Variants in LTBP1 observed in about 807,000 individuals in gnomAD.
The protein encoded by LTBP1 is latent-transforming growth factor beta-binding protein 1.
LTBP1 carries 129 observed loss-of-function variants against 207.6 expected under a neutral mutation model. The ratio of observed to expected loss-of-function variants is 0.62; its 90% CI spans 0.54 to 0.72. The LOEUF (loss-of-function observed/expected upper bound fraction) is 0.72, where lower values mean the gene tolerates loss of function less well. Among genes scored for constraint, LTBP1 ranks in the 30% least tolerant of loss-of-function variants. The probability of loss-of-function intolerance (pLI) is 0.00; values close to 1 mark genes in which losing one functional copy is unlikely to be tolerated. For synonymous variants in LTBP1, 963 were observed against 833.7 expected, an observed-to-expected ratio of 1.16 and a Z score of -2.67; for missense variants, 2,281 against 2,217.2, an observed-to-expected ratio of 1.03 and a Z score of -0.58.
At chr2:33,087,950 A>G (rs995191971) in intron 3 of LTBP1, among the ~76,000 whole-genome samples, 1 of 152,222 alleles carries the variant, frequency 6.6e-6, no homozygotes, top group Non-Finnish European at 1.5e-5. Flanking sequence ...GTTGTCTGGT[A>G]CACAGGAAAA....
intron 26 of LTBP1, among the ~76,000 whole-genome samples, chr2:33,348,389 A>G (rs1278052042): frequency 6.6e-6 from 1 of 152,250 alleles, no homozygotes; most frequent in East Asian, 1.9e-4. Flanking sequence ...TGAAGGGTAT[A>G]GAATTAAATG....
In LTBP1 at chr2:33,342,859, A is replaced by G; in HGVS notation, c.3752A>G (p.Asn1251Ser). The change falls in exon 25 of 34, where the codon AAC becomes AGC. Residue 1251 changes from asparagine to serine, a missense_variant. Around this residue, in one of 3 missense-constraint regions of LTBP1, gnomAD observed 1,671 missense variants for 1,634.8 expected, o/e 1.02. Coordinates refer to ENST00000404816, the MANE Select transcript of LTBP1 (RefSeq NM_206943.4). ...GCAGATATTGATGAATGTGTAAACA[A>G]CACTGTTTGTGACAGTCACGGGTTT... ...TCEDIDECVNNTVCDSHGFCD... is the reference protein window; with the variant it reads ...TCEDIDECVNSTVCDSHGFCD... 6.2e-7 allele frequency: 1 copy of G among 1,614,094 alleles called. No homozygotes were observed. Among genetic ancestry groups the G allele is most frequent in the Middle Eastern group, 1.7e-4 (1 of 6,058 alleles).
intron 2 of LTBP1, among the ~76,000 whole-genome samples, chr2:32,950,208 T>G (rs1211846869): frequency 1.3e-5 from 2 of 152,178 alleles, no homozygotes; most frequent in Non-Finnish European, 2.9e-5. Context: ...AACATGGAGA[T>G]AACTCGTCTG....
chr2:33,138,362 T>C (rs1253976963), intron 5 of LTBP1, among the ~76,000 whole-genome samples: 1 of 152,202 alleles, frequency 6.6e-6, no homozygotes, highest in Admixed American at 6.5e-5. Context: ...AGAGCCCATT[T>C]TTATGGATAG....
intron 4 of LTBP1, among the ~76,000 whole-genome samples, chr2:33,116,218 CA>C (rs1382155883): frequency 6.6e-6 from 1 of 152,232 alleles, no homozygotes; most frequent in Non-Finnish European, 1.5e-5. Context: ...TTTTCTACTA[CA>C]TAACTTTAAT....
At chr2:33,302,104 A>G (rs1170154742) in intron 22 of LTBP1, among the ~76,000 whole-genome samples, 1 of 152,228 alleles carries the variant, frequency 6.6e-6, no homozygotes, top group Non-Finnish European at 1.5e-5. Context: ...AGTATCGTGC[A>G]GTCATCAACC....
At chr2:33,277,361 C>A (rs945304459) in intron 18 of LTBP1, among the ~76,000 whole-genome samples, 1 of 152,162 alleles carries the variant, frequency 6.6e-6, no homozygotes, top group African/African-American at 2.4e-5. Context: ...CCACGCTGCT[C>A]TTCCAGGGAA....
At chr2:33,277,119 C>T (rs2093441151) in intron 18 of LTBP1, among the ~76,000 whole-genome samples, 5 of 152,132 alleles carry the variant, frequency 3.3e-5, no homozygotes, top group Admixed American at 3.3e-4. Context: ...CTGGCTTCTG[C>T]CTGTTGGTTT....
intron 2 of LTBP1, among the ~76,000 whole-genome samples, chr2:33,000,243 C>G (rs1489494499): frequency 1.5e-5 from 2 of 134,970 alleles, no homozygotes; most frequent in African/African-American, 5.2e-5. Flanking sequence ...GCCCAGGAAT[C>G]AGAATGTTGT....
intron 24 of LTBP1, among the ~76,000 whole-genome samples, 184 bp from the exon 25 acceptor site, chr2:33,342,654 C>T (rs536217349): frequency 2.6e-5 from 4 of 152,228 alleles, no homozygotes; most frequent in African/African-American, 9.6e-5. Flanking sequence ...GGCTGTTAAA[C>T]CATTTTCATC....
chr2:33,254,528 T>G (rs1024214340), intron 11 of LTBP1, among the ~76,000 whole-genome samples: 17 of 150,082 alleles, frequency 1.1e-4, no homozygotes, highest in African/African-American at 3.4e-4. Context: ...AAATATTTAG[T>G]TCGTTAATTC....
chr2:33,188,924 T>G, intron 7 of LTBP1, 73 bp downstream of exon 7: 1 of 1,486,580 alleles, frequency 6.7e-7, no homozygotes, highest in Non-Finnish European at 9.1e-7. Flanking sequence ...AAAGCCAGAC[T>G]TGATAAAAAT....
chr2:33,346,746 G>A (rs1326266024), intron 25 of LTBP1, among the ~76,000 whole-genome samples: 2 of 151,938 alleles, frequency 1.3e-5, no homozygotes, highest in Non-Finnish European at 1.5e-5. Context: ...ATGTTGAAAA[G>A]TCAGGAATGA....
intron 2 of LTBP1, among the ~76,000 whole-genome samples, chr2:32,963,167 C>T (rs1166226118): frequency 6.6e-6 from 1 of 152,182 alleles, no homozygotes; most frequent in African/African-American, 2.4e-5. Flanking sequence ...GGGAACCTTG[C>T]AATCGGATAA....
chr2:33,259,558 A>G, intron 12 of LTBP1, 30 bp from the exon 13 acceptor site: 1 of 1,567,604 alleles, frequency 6.4e-7, no homozygotes, highest in Non-Finnish European at 8.7e-7. Flanking sequence ...CTTAAATGGT[A>G]CTAATACCCT....
chr2:32,997,123 G>A (rs1160618568), intron 2 of LTBP1, among the ~76,000 whole-genome samples: 6 of 152,076 alleles, frequency 3.9e-5, no homozygotes, highest in South Asian at 4.1e-4. Context: ...GACCTCAAGC[G>A]ATCCGCCCAC....
intron 4 of LTBP1, among the ~76,000 whole-genome samples, chr2:33,131,043 C>T (rs1474944369): frequency 6.6e-6 from 1 of 152,124 alleles, no homozygotes; most frequent in African/African-American, 2.4e-5. Context: ...TCTGGTTAGT[C>T]CTGAGCTTGT....
At chr2:32,994,716 C>A (rs1227694922) in intron 2 of LTBP1, among the ~76,000 whole-genome samples, 1 of 152,196 alleles carries the variant, frequency 6.6e-6, no homozygotes, top group African/African-American at 2.4e-5. Flanking sequence ...ATCCACCCAC[C>A]TCGCCCTCCC....
chr2:33,368,282 A>G (rs903382862), intron 31 of LTBP1, among the ~76,000 whole-genome samples: 1 of 152,202 alleles, frequency 6.6e-6, no homozygotes, highest in Admixed American at 6.5e-5. Context: ...AGATTTCTCA[A>G]AGAACTAAAA....
Sources: gnomAD v4.1 joint callset for allele counts (sites outside exome capture counted in the v4.1 genomes callset) on GRCh38, gnomAD v4.1.1 for gene constraint, gnomAD v4.1.1 regional missense constraint, MANE v1.5 for transcripts, NCBI Gene and HGNC (gene_info 2026-07-23, HGNC 2026-07-21) for gene names.